PLXNA4: variants seen among roughly 807,000 people sequenced by gnomAD.
PLXNA4 encodes the protein plexin-A4.
A neutral mutation model predicts 191.8 loss-of-function variants in PLXNA4; 44 were observed. The observed-to-expected ratio is 0.23, with a 90% CI of 0.18 to 0.29. The LOEUF is 0.29. PLXNA4 is among the 10% of genes least tolerant of loss of function. The pLI, the probability that PLXNA4 is intolerant of heterozygous loss-of-function variation, is 1.00. For synonymous variants in PLXNA4, 1,082 were observed against 1,009.5 expected (o/e 1.07, Z -1.36); for missense variants, 1,800 against 2,488.8 (o/e 0.72, Z 5.89).
chr7:132,139,151 T>C (rs1795195621), intron 30 of PLXNA4, among the ~76,000 whole-genome samples: 1 of 152,158 alleles, frequency 6.6e-6, no homozygotes, highest in Non-Finnish European at 1.5e-5. Context: ...GTTAGTTTCC[T>C]TTTGGACAGC....
chr7:132,533,957 A>ATTATTAT lies in PLXNA4; in HGVS notation c.-86-25179_-86-25178insATAATAA, dbSNP rs1171347778. On this transcript the variant is annotated intron_variant, in intron 1 of 31. Coordinates refer to ENST00000321063, the MANE Select transcript of PLXNA4 (RefSeq NM_020911.2). ...TATTATTATTATTATTACTATTATT[A>ATTATTAT]TGTTAACAAGTCACCAGGCAACAAA... Among the ~76,000 whole-genome samples, 592 of 152,052 alleles carry ATTATTAT rather than the reference A, an allele frequency of 3.9e-3. 5 individuals carry two copies. Among genetic ancestry groups the ATTATTAT allele is most frequent in the African/African-American group, 0.014 (561 of 41,448 alleles).
At chr7:132,385,099 G>A in intron 3 of PLXNA4, 1 of 1,562,884 alleles carries the variant, frequency 6.4e-7, no homozygotes, top group Non-Finnish European at 8.7e-7. Context: ...TGGGGTCACA[G>A]GGAGGTAGAT....
At chr7:132,161,449 C>A (rs1795945875) in intron 24 of PLXNA4, among the ~76,000 whole-genome samples, 1 of 152,240 alleles carries the variant, frequency 6.6e-6, no homozygotes, top group Non-Finnish European at 1.5e-5. Context: ...TGTGGACAAG[C>A]TGCCTCATGA....
At chr7:132,266,773 G>A (rs1339119756) in intron 4 of PLXNA4, among the ~76,000 whole-genome samples, 1 of 152,190 alleles carries the variant, frequency 6.6e-6, no homozygotes, top group Non-Finnish European at 1.5e-5. Context: ...TTCCATCCAA[G>A]GGTGCCTTAG....
chr7:132,316,072 A>G (rs1801932892), intron 3 of PLXNA4, among the ~76,000 whole-genome samples: 1 of 152,198 alleles, frequency 6.6e-6, no homozygotes, highest in African/African-American at 2.4e-5. Flanking sequence ...TAATAAGCAA[A>G]GCATATCCTA....
chr7:132,230,238 G>A (rs562378878), intron 5 of PLXNA4, among the ~76,000 whole-genome samples: 13 of 152,268 alleles, frequency 8.5e-5, no homozygotes, highest in African/African-American at 2.6e-4. Context: ...CGCACCCTGC[G>A]GCCTGTAGAG....
intron 29 of PLXNA4, among the ~76,000 whole-genome samples, chr7:132,143,095 C>G (rs998512404): frequency 6.6e-6 from 1 of 150,448 alleles, no homozygotes; most frequent in Non-Finnish European, 1.5e-5. Flanking sequence ...AGGTAGGGAA[C>G]TGTGGAAGAA....
chr7:132,522,537 G>A (rs1799230108), intron 1 of PLXNA4, among the ~76,000 whole-genome samples: 1 of 152,228 alleles, frequency 6.6e-6, no homozygotes, highest in African/African-American at 2.4e-5. Context: ...AGGATGCCAA[G>A]GCAGGCAGAC....
intron 3 of PLXNA4, among the ~76,000 whole-genome samples, chr7:132,323,018 T>C (rs1036301508): frequency 2.6e-5 from 4 of 152,176 alleles, no homozygotes; most frequent in Admixed American, 2.6e-4. Context: ...TTTGTATCAG[T>C]GTATTCTCCT....
At chr7:132,152,029 T>G (rs1795661416) in intron 25 of PLXNA4, among the ~76,000 whole-genome samples, 1 of 152,206 alleles carries the variant, frequency 6.6e-6, no homozygotes, top group African/African-American at 2.4e-5. Flanking sequence ...AGTTATGGTC[T>G]CTATTTTCCC....
chr7:132,307,629 A>G (rs958413023), intron 3 of PLXNA4, among the ~76,000 whole-genome samples: 1 of 152,046 alleles, frequency 6.6e-6, no homozygotes. Flanking sequence ...GAAACTGCCC[A>G]GCCAGGCCCG....
intron 2 of PLXNA4, among the ~76,000 whole-genome samples, chr7:132,608,131 A>C (rs376234216): frequency 4.6e-4 from 69 of 148,686 alleles, no homozygotes; most frequent in Middle Eastern, 3.8e-3. Context: ...TGCCATCATC[A>C]TCATCACTAT....
chr7:132,191,508 G>T (rs530430358), intron 14 of PLXNA4, among the ~76,000 whole-genome samples: 9 of 152,320 alleles, frequency 5.9e-5, no homozygotes, highest in South Asian at 2.1e-4. Flanking sequence ...GGGAAGCAGG[G>T]CAGAGGCAGC....
intron 12 of PLXNA4, among the ~76,000 whole-genome samples, 199 bp downstream of exon 12, chr7:132,202,445 CAA>C (rs1304076924): frequency 6.6e-6 from 1 of 152,142 alleles, no homozygotes; most frequent in African/African-American, 2.4e-5. Context: ...AGTCGAGCCC[CAA>C]AAAGAGTCTC....
intron 3 of PLXNA4, among the ~76,000 whole-genome samples, chr7:132,442,691 G>A (rs1448761733): frequency 1.3e-5 from 2 of 152,230 alleles, no homozygotes; most frequent in Admixed American, 6.5e-5. Context: ...AGCACGAGAT[G>A]TGGAAAACTG....
chr7:132,540,202 C>T (rs964349041), intron 1 of PLXNA4, among the ~76,000 whole-genome samples: 9 of 152,208 alleles, frequency 5.9e-5, no homozygotes, highest in Middle Eastern at 3.4e-3. Context: ...CTATCCAGAG[C>T]ATGCAGCATG....
chr7:132,412,101 C>T (rs1404416093), intron 3 of PLXNA4, among the ~76,000 whole-genome samples: 1 of 152,198 alleles, frequency 6.6e-6, no homozygotes, highest in East Asian at 1.9e-4. Context: ...CACCTCAGCT[C>T]CTCACATTCT....
intron 3 of PLXNA4, among the ~76,000 whole-genome samples, chr7:132,321,881 G>A (rs967599364): frequency 2.0e-5 from 3 of 152,074 alleles, no homozygotes; most frequent in African/African-American, 4.8e-5. Context: ...GGCGGAGGGG[G>A]CATAGGAAGT....
At chr7:132,271,781 T>C (rs1800083961) in intron 4 of PLXNA4, among the ~76,000 whole-genome samples, 2 of 152,070 alleles carry the variant, frequency 1.3e-5, no homozygotes, top group Non-Finnish European at 2.9e-5. Context: ...AGTAGCTTCA[T>C]TGGAAAAACC....
Sources: gnomAD v4.1 joint callset for allele counts (sites outside exome capture counted in the v4.1 genomes callset) on GRCh38, gnomAD v4.1.1 for gene constraint, MANE v1.5 for transcripts, NCBI Gene and HGNC (gene_info 2026-07-23, HGNC 2026-07-21) for gene names.